Variants in CSMD2 observed in about 807,000 individuals in gnomAD.
CSMD2 encodes the protein CUB and Sushi multiple domains 2.
A neutral mutation model predicts 398.5 loss-of-function variants in CSMD2; 130 were observed. The ratio of observed to expected loss-of-function variants is 0.33; its 90% confidence interval spans 0.28 to 0.38. The LOEUF is 0.38. CSMD2 is among the 10% of genes least tolerant of loss of function. CSMD2 has a pLI of 1.00. For synonymous variants in CSMD2, 1,828 were observed against 1,908.5 expected (o/e 0.96, Z 1.10); for missense variants, 3,829 against 4,764.9 (o/e 0.80, Z 5.78).
chr1:34,036,357 G>C (rs1222260481), intron 2 of CSMD2, among the ~76,000 whole-genome samples: 1 of 152,150 alleles, frequency 6.6e-6, no homozygotes, highest in Non-Finnish European at 1.5e-5. Context: ...ATGAATACAT[G>C]TAGCAATTTG....
At chr1:33,578,819 G>T (rs867444046) in intron 48 of CSMD2, among the ~76,000 whole-genome samples, 6 of 152,138 alleles carry the variant, frequency 3.9e-5, no homozygotes, top group African/African-American at 1.4e-4. Flanking sequence ...TGAGGTCCCC[G>T]GCCTCTTTCT....
chr1:33,717,823 G>A (rs1646222873), intron 19 of CSMD2, among the ~76,000 whole-genome samples: 1 of 151,872 alleles, frequency 6.6e-6, no homozygotes, highest in South Asian at 2.1e-4. Context: ...TGGGGGAGAT[G>A]GTCAAAGAGC....
At chr1:34,016,152 T>G (rs1451294222) in intron 3 of CSMD2, among the ~76,000 whole-genome samples, 3 of 152,166 alleles carry the variant, frequency 2.0e-5, no homozygotes, top group African/African-American at 7.2e-5. Context: ...CGTTTTTAAA[T>G]TTTACTTTAA....
intron 40 of CSMD2, among the ~76,000 whole-genome samples, chr1:33,611,552 A>G (rs1399097388): frequency 6.6e-6 from 1 of 152,262 alleles, no homozygotes; most frequent in Non-Finnish European, 1.5e-5. Context: ...GTTTAAATTT[A>G]TGATTCATAT....
rs1642756382 is a variant in CSMD2, at chr1:33,635,717, T to G, written c.4970-387A>C. On this transcript the variant is annotated intron_variant, in intron 30 of 70. Coordinates refer to ENST00000373381, the MANE Select transcript of CSMD2 (RefSeq NM_001281956.2). The surrounding 1 kb of genome is among the most constrained non-coding windows in gnomAD (Gnocchi z 5.0). ...ATCTAACCTGGACAGTGAGTGTCAG[T>G]GTGAATAGGGAGCTGAAGCTTCCCC... Among the ~76,000 whole-genome samples, 1 of 152,046 alleles carries G rather than the reference T, an allele frequency of 6.6e-6. No individual in the cohort carries two copies. Among genetic ancestry groups the G allele is most frequent in the Non-Finnish European group, 1.5e-5 (1 of 67,994 alleles).
At chr1:33,833,181 G>A (rs572708315) in intron 6 of CSMD2, among the ~76,000 whole-genome samples, 6 of 124,734 alleles carry the variant, frequency 4.8e-5, no homozygotes, top group African/African-American at 9.9e-5. Context: ...TACCAAAGCC[G>A]GGCAGAGACA....
intron 10 of CSMD2, among the ~76,000 whole-genome samples, chr1:33,796,249 C>G (rs1378926104): frequency 6.6e-6 from 1 of 152,218 alleles, no homozygotes; most frequent in East Asian, 1.9e-4. Flanking sequence ...GTGCTCAATT[C>G]TGTTCTGAAC....
chr1:34,129,944 A>G (rs1217094707), intron 1 of CSMD2, among the ~76,000 whole-genome samples: 1 of 152,210 alleles, frequency 6.6e-6, no homozygotes, highest in East Asian at 1.9e-4. Context: ...TAAGGAAAGC[A>G]TAATATTAAT....
chr1:33,822,969 C>G (rs1033284679), intron 7 of CSMD2, among the ~76,000 whole-genome samples: 14 of 152,210 alleles, frequency 9.2e-5, no homozygotes, highest in African/African-American at 3.4e-4. Flanking sequence ...CACACAGCCC[C>G]CTTGCAGCAC....
chr1:33,788,760 G>T, intron 11 of CSMD2, 48 bp from the exon 12 acceptor site: 4 of 1,171,352 alleles, frequency 3.4e-6, no homozygotes, highest in South Asian at 2.4e-5. Flanking sequence ...CATGACACCC[G>T]AATAGAATGA....
Position 33,724,494 on chromosome 1 carries a change from G to T in CSMD2, c.2884+22C>A, listed in dbSNP as rs370852901. 15 of 1,606,176 alleles carry T rather than the reference G, an allele frequency of 9.3e-6. No homozygotes were observed. In the African/African-American group the frequency reaches 1.9e-4, roughly 20 times the overall value. On this transcript the variant is annotated intron_variant, in intron 18 of 70. Coordinates refer to ENST00000373381, the MANE Select transcript of CSMD2 (RefSeq NM_001281956.2). ...CAGGAGAGGAGTCTGCTACTTTAGC[G>T]CCCCCTCATGGTGTCCCTCACCTTC...
At chr1:33,967,184 C>T (rs528000084) in intron 3 of CSMD2, among the ~76,000 whole-genome samples, 2 of 150,766 alleles carry the variant, frequency 1.3e-5, no homozygotes, top group East Asian at 3.9e-4. Context: ...TGGCTTTGAT[C>T]TCATATTTAT....
intron 3 of CSMD2, among the ~76,000 whole-genome samples, chr1:34,016,026 T>TGA (rs1648052362): frequency 6.6e-6 from 1 of 151,882 alleles, no homozygotes; most frequent in Non-Finnish European, 1.5e-5. Context: ...TGTGTGTGTG[T>TGA]GTGTGTGTGT....
chr1:33,600,970 T>G lies in CSMD2; in HGVS notation c.6751A>C (p.Thr2251Pro). Residue 2251 changes from threonine (T) to proline (P), a missense_variant, in exon 44 of 71, where the codon ACC becomes CCC. Thr to Pro is a conservative substitution (Grantham distance 38). Coordinates refer to ENST00000373381, the MANE Select transcript of CSMD2 (RefSeq NM_001281956.2). Reference sequence around the variant, plus strand: ...ACTGTTTTCTTGGCCATGCTCCGGGTGAAGACGCCGAGCCGTGGTGCTGTT... The same window carrying G: ...ACTGTTTTCTTGGCCATGCTCCGGGGGAAGACGCCGAGCCGTGGTGCTGTT... ...QQTAPRLGVF[T>P]RSMAKKTVQS... The G allele has an allele frequency of 6.2e-7, 1 of 1,614,066 alleles. No individual in the cohort carries two copies.
chr1:34,021,191 C>G (rs1384010862), intron 3 of CSMD2, among the ~76,000 whole-genome samples: 1 of 152,186 alleles, frequency 6.6e-6, no homozygotes, highest in East Asian at 1.9e-4. Flanking sequence ...TTTGACACTT[C>G]TGTTTGGAAG....
intron 2 of CSMD2, among the ~76,000 whole-genome samples, chr1:34,051,542 C>A (rs1469429110): frequency 1.3e-5 from 2 of 151,824 alleles, no homozygotes; most frequent in Admixed American, 1.3e-4. Context: ...TTTTCTTTTT[C>A]CTTTTTCATA....
intron 1 of CSMD2, among the ~76,000 whole-genome samples, chr1:34,153,794 C>G (rs552259184): frequency 6.6e-6 from 1 of 152,298 alleles, no homozygotes; most frequent in African/African-American, 2.4e-5. Flanking sequence ...AGAGAGCCAG[C>G]CCTGCAAGGG....
At position 34,044,096 on chromosome 1, in the gene CSMD2, C is replaced by A. The variant is rs181759526; in HGVS notation, c.405-11390G>T. ...CTATAATAAATCATAGCCATGGGTA[C>A]AAATTTATACTGAATCCTATGAGTC... On this transcript the variant is annotated intron_variant, in intron 2 of 70. Transcript: ENST00000373381. 3.1e-3 allele frequency among the ~76,000 whole-genome samples: 467 copies of A among 152,222 alleles called. 2 individuals are homozygous for A. Among genetic ancestry groups the A allele is most frequent in the African/African-American group, 0.011 (442 of 41,524 alleles).
intron 40 of CSMD2, among the ~76,000 whole-genome samples, chr1:33,612,490 A>G (rs1173443004): frequency 6.6e-6 from 1 of 152,178 alleles, no homozygotes; most frequent in Non-Finnish European, 1.5e-5. Flanking sequence ...TACATAAATG[A>G]TATTATACTG....
Sources: allele counts gnomAD v4.1 joint callset (sites outside exome capture counted in the v4.1 genomes callset), GRCh38; gene constraint gnomAD v4.1.1; non-coding constraint Gnocchi (gnomAD v3.1); transcripts MANE v1.5; gene names NCBI Gene and HGNC (gene_info 2026-07-23, HGNC 2026-07-21).